Variants in LHFPL3 observed in about 807,000 individuals in gnomAD.
The protein encoded by LHFPL3 is LHFPL tetraspan subfamily member 3 protein.
LHFPL3 carries 5 observed loss-of-function variants against 19.3 expected under a neutral mutation model. The observed-to-expected ratio is 0.26, with a 90% CI of 0.14 to 0.54. The LOEUF is 0.54. LHFPL3 is among the 20% of genes least tolerant of loss of function. The probability of loss-of-function intolerance (pLI) is 0.94; values close to 1 mark genes in which losing one functional copy is unlikely to be tolerated. For synonymous variants in LHFPL3, 133 were observed against 126.2 expected, an observed-to-expected ratio of 1.05 and a Z score of -0.36; for missense variants, 249 against 307.4, an observed-to-expected ratio of 0.81 and a Z score of 1.42.
At chr7:104,660,348 G>T (rs1351946483) in intron 1 of LHFPL3, among the ~76,000 whole-genome samples, 1 of 152,204 alleles carries the variant, frequency 6.6e-6, no homozygotes, top group Non-Finnish European at 1.5e-5. Flanking sequence ...CATCTGGTTT[G>T]TCAGCACAAC....
At chr7:104,695,096 A>G (rs531379730) in intron 1 of LHFPL3, among the ~76,000 whole-genome samples, 3 of 151,180 alleles carry the variant, frequency 2.0e-5, no homozygotes, top group Non-Finnish European at 4.4e-5. Context: ...TTTCCTAATT[A>G]GGACTCCACA....
chr7:104,437,369 C>T (rs1283655755), intron 1 of LHFPL3, among the ~76,000 whole-genome samples: 4 of 152,170 alleles, frequency 2.6e-5, no homozygotes, highest in African/African-American at 7.2e-5. Flanking sequence ...CAGAACACTT[C>T]TGATACAAGA....
rs892349384 is a variant in LHFPL3 at position 104,629,926 on chromosome 7, T to G, written c.446-106749T>G. Among the ~76,000 whole-genome samples, 4 of 152,294 alleles carry G rather than the reference T, an allele frequency of 2.6e-5. No individual in the cohort carries two copies. The South Asian group carries it at 8.3e-4, about 32-fold the overall frequency. ...ATATGCCTCAAGGGTATGGATAATT[T>G]CTTTGTGCACTTTTCTTCTGCAGCA... On this transcript the variant is annotated intron_variant, in intron 1 of 2. Transcript: ENST00000424859.
intron 1 of LHFPL3, among the ~76,000 whole-genome samples, chr7:104,607,521 G>A (rs1791125107): frequency 6.6e-6 from 1 of 152,152 alleles, no homozygotes. Flanking sequence ...TCCTCTATAA[G>A]TCATCACCAT....
At chr7:104,412,772 A>AT (rs771892437) in intron 1 of LHFPL3, among the ~76,000 whole-genome samples, 2 of 151,958 alleles carry the variant, frequency 1.3e-5, no homozygotes, top group African/African-American at 2.4e-5. Flanking sequence ...CTATTTTTCT[A>AT]TTTTTTTATC....
chr7:104,351,620 A>G (rs1790175853), intron 1 of LHFPL3, among the ~76,000 whole-genome samples: 2 of 152,192 alleles, frequency 1.3e-5, no homozygotes, highest in Non-Finnish European at 2.9e-5. Context: ...TTACTTCTAG[A>G]CTCAAGTAAT....
chr7:104,575,433 C>A (rs1584412200), intron 1 of LHFPL3, among the ~76,000 whole-genome samples: 2 of 151,930 alleles, frequency 1.3e-5, no homozygotes, highest in Admixed American at 1.3e-4. Context: ...GTATAAGTAG[C>A]TAGACGCTTC....
chr7:104,783,981 A>C (rs1471464702), intron 2 of LHFPL3, among the ~76,000 whole-genome samples: 1 of 152,226 alleles, frequency 6.6e-6, no homozygotes, highest in Non-Finnish European at 1.5e-5. Context: ...GCACAATAAC[A>C]GCAACTGGAT....
chr7:104,501,284 TC>T (rs1177413482), intron 1 of LHFPL3, among the ~76,000 whole-genome samples: 2 of 152,226 alleles, frequency 1.3e-5, no homozygotes, highest in African/African-American at 4.8e-5. Flanking sequence ...AATGCTGCTT[TC>T]CTTTCAACAG....
chr7:104,692,509 C>A (rs191280721), intron 1 of LHFPL3, among the ~76,000 whole-genome samples: 1 of 152,360 alleles, frequency 6.6e-6, no homozygotes, highest in Non-Finnish European at 1.5e-5. Context: ...CCTTGCATCC[C>A]AGCCATGGCT....
intron 1 of LHFPL3, among the ~76,000 whole-genome samples, chr7:104,337,828 T>C (rs1316477245): frequency 6.6e-6 from 1 of 152,194 alleles, no homozygotes; most frequent in Non-Finnish European, 1.5e-5. Context: ...TGTGGATCTG[T>C]GTGATGCCAA....
At chr7:104,433,231 T>C (rs781312037) in intron 1 of LHFPL3, among the ~76,000 whole-genome samples, 4 of 152,184 alleles carry the variant, frequency 2.6e-5, no homozygotes, top group Non-Finnish European at 4.4e-5. Context: ...AACAGACCAA[T>C]GATGTTGTCA....
chr7:104,849,896 A>G (rs1385828474), intron 2 of LHFPL3, among the ~76,000 whole-genome samples: 1 of 152,262 alleles, frequency 6.6e-6, no homozygotes, highest in Non-Finnish European at 1.5e-5. Flanking sequence ...GAGCAGAGGG[A>G]AAGTTAGAGT....
chr7:104,645,544 T>C (rs762149402), intron 1 of LHFPL3, among the ~76,000 whole-genome samples: 1 of 152,028 alleles, frequency 6.6e-6, no homozygotes, highest in Non-Finnish European at 1.5e-5. Flanking sequence ...TGCGAAGTAG[T>C]TCTGTGAAGG....
chr7:104,848,900 GT>G (rs529645748), intron 2 of LHFPL3, among the ~76,000 whole-genome samples: 11 of 149,372 alleles, frequency 7.4e-5, no homozygotes, highest in South Asian at 6.5e-4. Flanking sequence ...TGTTTTTTTG[GT>G]TTTTTTTTTG....
At chr7:104,395,661 T>A (rs1791168561) in intron 1 of LHFPL3, among the ~76,000 whole-genome samples, 1 of 152,170 alleles carries the variant, frequency 6.6e-6, no homozygotes, top group African/African-American at 2.4e-5. Context: ...ACTGAGATAC[T>A]GGCTTTCTCA....
intron 2 of LHFPL3, among the ~76,000 whole-genome samples, chr7:104,825,879 T>G (rs2116542087): frequency 6.6e-6 from 1 of 151,918 alleles, no homozygotes; most frequent in Middle Eastern, 3.4e-3. Flanking sequence ...TTTAAAGAGT[T>G]TTTTTAGATG....
chr7:104,522,503 T>C (rs971793028), intron 1 of LHFPL3, among the ~76,000 whole-genome samples: 1 of 151,824 alleles, frequency 6.6e-6, no homozygotes, highest in African/African-American at 2.4e-5. Flanking sequence ...AACCTGCACA[T>C]TGTGCACATG....
chr7:104,777,067 C>T (rs1316364569), intron 2 of LHFPL3, among the ~76,000 whole-genome samples: 2 of 152,166 alleles, frequency 1.3e-5, no homozygotes, highest in Non-Finnish European at 2.9e-5. Flanking sequence ...CTCTGGGAGC[C>T]TCAAGATGCC....
Sources: allele counts gnomAD v4.1 joint callset (sites outside exome capture counted in the v4.1 genomes callset), GRCh38; gene constraint gnomAD v4.1.1; transcripts MANE v1.5; gene names NCBI Gene and HGNC (gene_info 2026-07-23, HGNC 2026-07-21).